The following ZNF44 variants were observed in gnomAD, a reference collection of about 807,000 sequenced individuals.
The protein encoded by ZNF44 is zinc finger protein 44.
In ZNF44, 9 loss-of-function variants were observed where a neutral mutation model predicts 11.7. The observed-to-expected ratio is 0.77, with a 90% CI of 0.46 to 1.35. ZNF44 has a LOEUF of 1.35. Among genes scored for constraint, ZNF44 ranks in the 40% most tolerant of loss-of-function variants. The pLI, the probability that ZNF44 is intolerant of heterozygous loss-of-function variation, is 0.00. For synonymous variants in ZNF44, 224 were observed against 242.7 expected (o/e 0.92, Z 0.72); for missense variants, 696 against 743.1 (o/e 0.94, Z 0.74).
chr19:12,287,766 C>T (rs1407447029), intron 1 of ZNF44, among the ~76,000 whole-genome samples: 2 of 152,290 alleles, frequency 1.3e-5, no homozygotes, highest in South Asian at 2.1e-4. Flanking sequence ...CTGCAATAAA[C>T]ACATGAGTGC....
At chr19:12,277,194 G>GA (rs1423155717) in intron 1 of ZNF44, among the ~76,000 whole-genome samples, 2 of 152,124 alleles carry the variant, frequency 1.3e-5, no homozygotes, top group Admixed American at 6.6e-5. Flanking sequence ...TTACTTGGGG[G>GA]ATTTAGCCTA....
chr19:12,228,477 C>G (rs1004804347), intron 3 of ZNF44, among the ~76,000 whole-genome samples: 1 of 152,146 alleles, frequency 6.6e-6, no homozygotes, highest in Non-Finnish European at 1.5e-5. Context: ...GCAAGTTGTA[C>G]AGGTAAGAGT....
intron 1 of ZNF44, among the ~76,000 whole-genome samples, chr19:12,292,183 T>C (rs576005973): frequency 2.0e-5 from 3 of 151,874 alleles, no homozygotes; most frequent in South Asian, 2.1e-4. Context: ...CAAAAATTAG[T>C]AGGGCATGGT....
rs907348817 is a variant in ZNF44, at chr19:12,250,042, A to C, written c.*126-4T>G. On this transcript the variant is annotated splice_polypyrimidine_tract_variant and splice_region_variant and intron_variant and NMD_transcript_variant, in intron 6 of 7. Transcript: ENST00000393337. ...TTCCATTCTTTTTGTTTTGTTCCTG[A>C]AATGCAGACCCAGAAAAAATTATCA... 19 of 1,281,500 alleles carry C rather than the reference A, an allele frequency of 1.5e-5. No individual in the cohort carries two copies. In the African/African-American group the frequency reaches 2.6e-4, roughly 17 times the overall value. The allele number at this position is 1,281,500 out of a possible 1,614,324, so 79.4% of individuals were successfully genotyped here. A position where few individuals can be genotyped will look rare whatever the true frequency, so the allele number is the denominator to read the frequency against.
At chr19:12,284,374 G>T in intron 1 of ZNF44, 1 of 606,402 alleles carries the variant, frequency 1.6e-6, no homozygotes, top group South Asian at 1.5e-5. Flanking sequence ...GGGTCCAGAG[G>T]CCCTGGGGAC....
At chr19:12,226,989 G>A (rs990748281) in intron 3 of ZNF44, among the ~76,000 whole-genome samples, 1 of 152,110 alleles carries the variant, frequency 6.6e-6, no homozygotes, top group Non-Finnish European at 1.5e-5. Flanking sequence ...TCGCTTGAAT[G>A]TAGGAGGAGG....
At chr19:12,254,737 A>AAAT (rs149883732) in intron 5 of ZNF44, among the ~76,000 whole-genome samples, 8 of 151,410 alleles carry the variant, frequency 5.3e-5, no homozygotes, top group South Asian at 2.1e-4. Flanking sequence ...TCCATCTCAA[A>AAAT]AATAATAATA....
Position 12,294,727 on chromosome 19 carries a change from A to T in ZNF44, c.-33T>A. ...CTGTGCGGTGTCCCGGGTCCTCCCA[A>T]CTCCCGTAGTCAGGGTAGGTCCCAG... is the stretch of plus-strand genomic sequence containing the variant. On this transcript the variant is annotated 5_prime_UTR_variant, in exon 1 of 4. The change creates a new upstream start codon in the 5' untranslated region. Transcript: ENST00000355684. The T allele has an allele frequency of 1.9e-6, 3 of 1,554,142 alleles. No individual in the cohort carries two copies. The highest frequency in any genetic ancestry group is 2.6e-6 in the Non-Finnish European group (3 of 1,149,834).
chr19:12,240,552 A>G (rs1400557247), upstream of ZNF44, among the ~76,000 whole-genome samples: 1 of 152,108 alleles, frequency 6.6e-6, no homozygotes, highest in Non-Finnish European at 1.5e-5. Flanking sequence ...ACGCTTCCTG[A>G]TTTCAAACTG....
At chr19:12,284,604 G>A in intron 1 of ZNF44, 2 of 720,690 alleles carry the variant, frequency 2.8e-6, no homozygotes, top group South Asian at 1.4e-5. Context: ...GTTCCTGGGG[G>A]CCTCTCTCAA....
chr19:12,242,979 T>C (rs1445762407), downstream of ZNF44: 1 of 152,164 alleles, frequency 6.6e-6, no homozygotes, highest in Non-Finnish European at 1.5e-5. Flanking sequence ...GACCCAGCAA[T>C]AGAAATGACA....
At chr19:12,267,707 A>G (rs530089609), downstream of ZNF44, among the ~76,000 whole-genome samples, 80 of 152,160 alleles carry the variant, frequency 5.3e-4, no homozygotes, top group African/African-American at 1.9e-3. Context: ...CTTTATTTTC[A>G]AAAGCAAGAA....
intron 1 of ZNF44, among the ~76,000 whole-genome samples, chr19:12,290,852 C>T (rs1967981897): frequency 6.6e-6 from 1 of 152,218 alleles, no homozygotes; most frequent in African/African-American, 2.4e-5. Flanking sequence ...TTTGCAGGCT[C>T]AAAATTGGCC....
chr19:12,256,856 C>T (rs59790016), intron 5 of ZNF44, among the ~76,000 whole-genome samples: 22,139 of 151,858 alleles, frequency 0.15, 1,721 homozygotes, highest in African/African-American at 0.2. Flanking sequence ...AGGCGCTCAC[C>T]ATCACACCGG....
chr19:12,266,018 C>T (rs1310101090), intron 5 of ZNF44, among the ~76,000 whole-genome samples: 1 of 152,214 alleles, frequency 6.6e-6, no homozygotes, highest in Non-Finnish European at 1.5e-5. Context: ...CGCGGGCCTG[C>T]GGGCGCGGAG....
chr19:12,225,962 A>AAATT (rs1198399703), downstream of ZNF44, among the ~76,000 whole-genome samples: 4 of 152,356 alleles, frequency 2.6e-5, no homozygotes, highest in African/African-American at 9.6e-5. Context: ...GTAGCCAGAA[A>AAATT]AATTAGAATT....
At chr19:12,232,835 A>G (rs1916220619) in intron 2 of ZNF44, among the ~76,000 whole-genome samples, 1 of 152,160 alleles carries the variant, frequency 6.6e-6, no homozygotes, top group Non-Finnish European at 1.5e-5. Context: ...AGGGCTGTCC[A>G]AGAGAGGAAG....
chr19:12,272,691 G>A lies in ZNF44; in HGVS notation c.1564C>T (p.His522Tyr). The A allele has an allele frequency of 6.2e-7, 1 of 1,613,694 alleles. No individual in the cohort carries two copies. The highest frequency in any genetic ancestry group is 1.1e-5 in the South Asian group (1 of 91,068). Residue 522 changes from histidine (H) to tyrosine (Y), a missense_variant, in exon 4 of 4, where the codon CAT (histidine) becomes TAT (tyrosine). Coordinates refer to ENST00000355684, the MANE Select transcript of ZNF44 (RefSeq NM_016264.4). ...TTCTCTGCCGTGTGAGTCCTTTCAT[G>A]AGTTTTTAAGTAACTGAAACGACTG... ...AFSRFSYLKT[H>Y]ERTHTAEKPY...
chr19:12,294,628 CG>C (rs1165774793), intron 1 of ZNF44, 63 bp downstream of exon 1: 1 of 1,541,640 alleles, frequency 6.5e-7, no homozygotes, highest in Non-Finnish European at 8.7e-7. Flanking sequence ...CCGCCACAGC[CG>C]GTTCCGACTG....
Sources: allele counts gnomAD v4.1 joint callset (sites outside exome capture counted in the v4.1 genomes callset), GRCh38; gene constraint gnomAD v4.1.1; transcripts MANE v1.5; gene names NCBI Gene and HGNC (gene_info 2026-07-23, HGNC 2026-07-21).